Variants in FGFR1 observed in about 807,000 individuals in gnomAD.
The protein encoded by FGFR1 is FGFR1/PLAG1 fusion.
Under a neutral mutation model 93.7 loss-of-function variants are expected in FGFR1, and 18 were observed. The observed-to-expected ratio is 0.19, with a 90% CI of 0.13 to 0.28. The LOEUF (loss-of-function observed/expected upper bound fraction) is 0.28. Among genes scored for constraint, FGFR1 ranks in the 10% least tolerant of loss-of-function variants. The probability of loss-of-function intolerance (pLI) is 1.00; values close to 1 mark genes in which losing one functional copy is unlikely to be tolerated. For missense variants in FGFR1, 731 were observed against 1,080.4 expected, an observed-to-expected ratio of 0.68 and a Z score of 4.53; for synonymous variants, 448 against 429.3, an observed-to-expected ratio of 1.04 and a Z score of -0.54.
chr8:38,444,259 G>A (rs906737528), intron 2 of FGFR1, among the ~76,000 whole-genome samples: 1 of 152,042 alleles, frequency 6.6e-6, no homozygotes, highest in African/African-American at 2.4e-5. Context: ...TGGACCCAGA[G>A]ACTGCTTCAT....
intron 2 of FGFR1, among the ~76,000 whole-genome samples, chr8:38,448,366 G>A (rs915350676): frequency 2.0e-5 from 3 of 148,514 alleles, no homozygotes; most frequent in African/African-American, 5.0e-5. Flanking sequence ...TGCAACTTCC[G>A]CCTCGCGGGT....
rs755160898 is a variant in FGFR1, at chr8:38,413,704, T to C, written c.2393A>G (p.His798Arg). The change falls in exon 18 of 18, where the codon CAT becomes CGT. Residue 798 changes from histidine (H) to arginine (R), a missense_variant. By Grantham distance (29) the His-to-Arg change is conservative. Coordinates refer to ENST00000447712, the MANE Select transcript of FGFR1 (RefSeq NM_023110.3). This position sits in a 1 kb window ranked among gnomAD's most constrained non-coding sequence, Gnocchi z 4.2. Reference sequence around the variant, plus strand: ...GCAGGGCTCCTCGGGCAGCGGCTCATGAGAGAAGACGGAATCCTCCCCTGA... The same window carrying C: ...GCAGGGCTCCTCGGGCAGCGGCTCACGAGAGAAGACGGAATCCTCCCCTGA... Reference protein sequence around the residue: ...CSSGEDSVFSHEPLPEEPCLP... With the variant: ...CSSGEDSVFSREPLPEEPCLP... 4.3e-6 allele frequency: 7 copies of C among 1,613,730 alleles called. No homozygotes were observed. Among genetic ancestry groups the C allele is most frequent in the Non-Finnish European group, 5.1e-6 (6 of 1,179,906 alleles).
At chr8:38,435,698 G>C (rs1193489970) in intron 2 of FGFR1, 1 of 152,240 alleles carries the variant, frequency 6.6e-6, no homozygotes, top group Non-Finnish European at 1.5e-5. Context: ...GCTGCCCTGA[G>C]CTGGCCTTTC....
chr8:38,419,448 TA>T, intron 9 of FGFR1, 84 bp downstream of exon 9: 2 of 1,284,676 alleles, frequency 1.6e-6, no homozygotes, highest in Non-Finnish European at 2.3e-6. Context: ...CCCAAAGCTA[TA>T]AATTAGGGAC....
rs1032733642 is a variant in FGFR1, at chr8:38,468,112, C to G, written c.-220G>C. The G allele has an allele frequency of 8.8e-6, 2 of 226,090 alleles. No homozygotes were observed. The highest frequency in any genetic ancestry group is 4.5e-5 in the African/African-American group (2 of 44,892). 14.0% of individuals were successfully genotyped at this position (226,090 alleles called of 1,614,324 possible). A position where few individuals can be genotyped will look rare whatever the true frequency, so the allele number is the denominator to read the frequency against. ...GGTCCTGGCGGGGTCGCAAGAGCTCCGCGGCCGGCGCTCGACTCCCGGCGG... is the reference window on the plus strand; with the variant it reads ...GGTCCTGGCGGGGTCGCAAGAGCTCGGCGGCCGGCGCTCGACTCCCGGCGG... On this transcript the variant is annotated 5_prime_UTR_variant, in exon 1 of 18. Transcript: ENST00000447712.
Position 38,414,766 on chromosome 8 carries a change from T to C in FGFR1, c.1977+13A>G, listed in dbSNP as rs2150558941. Reference sequence around the variant, plus strand: ...TGAAACCACCAGCACAGGGCGGCCTTGTCGGCACTCACGTTGGTTGTCTTT... The same window carrying C: ...TGAAACCACCAGCACAGGGCGGCCTCGTCGGCACTCACGTTGGTTGTCTTT... On this transcript the variant is annotated intron_variant, in intron 14 of 17. Coordinates refer to ENST00000447712, the MANE Select transcript of FGFR1 (RefSeq NM_023110.3). The C allele has an allele frequency of 1.2e-6, 2 of 1,614,090 alleles. No individual in the cohort carries two copies. The highest frequency in any genetic ancestry group is 1.7e-6 in the Non-Finnish European group (2 of 1,180,042).
chr8:38,444,341 G>C (rs548780343), intron 2 of FGFR1, among the ~76,000 whole-genome samples: 1 of 151,388 alleles, frequency 6.6e-6, no homozygotes, highest in South Asian at 2.1e-4. Flanking sequence ...CATGAACGTT[G>C]AGCATTTAGT....
rs748881175 is a variant in FGFR1, at chr8:38,417,862, T to C, written c.1552+8A>G. ...GATTTTCTTTGCAAGGACAGAAGCA[T>C]CACTTACACTTCAACATCTTCACAG... On this transcript the variant is annotated splice_region_variant and intron_variant, in intron 11 of 17. Coordinates refer to ENST00000447712, the MANE Select transcript of FGFR1 (RefSeq NM_023110.3). 6.2e-6 allele frequency: 10 copies of C among 1,614,078 alleles called. No individual in the cohort carries two copies. In the Admixed American group the frequency reaches 1.5e-4, roughly 24 times the overall value.
At chr8:38,439,745 T>C (rs901973091) in intron 2 of FGFR1, among the ~76,000 whole-genome samples, 6 of 152,092 alleles carry the variant, frequency 3.9e-5, no homozygotes, top group Non-Finnish European at 8.8e-5. Flanking sequence ...CAAGCAATCA[T>C]CTCCATCACT....
intron 2 of FGFR1, among the ~76,000 whole-genome samples, chr8:38,446,740 C>T (rs992786908): frequency 1.3e-5 from 2 of 152,070 alleles, no homozygotes; most frequent in African/African-American, 4.8e-5. Flanking sequence ...ACACTAGTAG[C>T]CTCAAAAAAA....
chr8:38,467,933 C>T lies in FGFR1; in HGVS notation c.-89+48G>A, dbSNP rs934094112. On this transcript the variant is annotated intron_variant, in intron 1 of 17. Coordinates refer to ENST00000447712, the MANE Select transcript of FGFR1 (RefSeq NM_023110.3). Reference sequence around the variant, plus strand: ...CGGGAGGCTCCGGCGCCGGGGGCCGCTCGGGACGCCAAGCCCGCCCCAGAT... The same window carrying T: ...CGGGAGGCTCCGGCGCCGGGGGCCGTTCGGGACGCCAAGCCCGCCCCAGAT... The T allele has an allele frequency of 1.3e-4, 29 of 216,994 alleles. 1 individual carries two copies. In the Admixed American group the frequency reaches 1.5e-3, roughly 11 times the overall value. The allele number at this position is 216,994 out of a possible 1,614,324, so 13.4% of individuals were successfully genotyped here.
chr8:38,467,521 G>A (rs1300244605), intron 1 of FGFR1, among the ~76,000 whole-genome samples: 1 of 152,102 alleles, frequency 6.6e-6, no homozygotes, highest in Admixed American at 6.5e-5. Context: ...ATCCCCAAAA[G>A]GGGACCAAAA....
At chr8:38,421,184 A>C (rs1818625525) in intron 8 of FGFR1, among the ~76,000 whole-genome samples, 1 of 152,204 alleles carries the variant, frequency 6.6e-6, no homozygotes. Flanking sequence ...CTCAACACGC[A>C]GACCTCCCCT....
rs57917657 is a variant in FGFR1, at chr8:38,447,098, AACACACACACACACACAC to A, written c.91+10240_91+10257del. On this transcript the variant is annotated intron_variant, in intron 2 of 17. Coordinates refer to ENST00000447712, the MANE Select transcript of FGFR1 (RefSeq NM_023110.3). Reference sequence around the variant, plus strand: ...GCCACAGGAGATATTACTGCAAGCAAACACACACACACACACACACACACACACACACACACACACACA... The same window carrying A: ...GCCACAGGAGATATTACTGCAAGCAAACACACACACACACACACACACACA... Among the ~76,000 whole-genome samples the A allele has an allele frequency of 5.8e-3, 768 of 133,360 alleles. 6 individuals carry two copies. The highest frequency in any genetic ancestry group is 0.018 in the African/African-American group (649 of 35,266). 87.5% of individuals were successfully genotyped at this position (133,360 alleles called of 152,430 possible). A position where few individuals can be genotyped will look rare whatever the true frequency, so the allele number is the denominator to read the frequency against.
chr8:38,461,032 G>C (rs776742035), intron 1 of FGFR1: 1 of 1,529,150 alleles, frequency 6.5e-7, no homozygotes, highest in Non-Finnish European at 8.8e-7. Flanking sequence ...AGAGGTCCTC[G>C]GTGGGGAGCA....
chr8:38,442,966 G>T (rs1828021795), intron 2 of FGFR1, among the ~76,000 whole-genome samples: 1 of 152,174 alleles, frequency 6.6e-6, no homozygotes, highest in Non-Finnish European at 1.5e-5. Flanking sequence ...GAAAGGAATG[G>T]GCTTCATAAA....
chr8:38,431,189 C>A (rs1822977834), intron 2 of FGFR1, among the ~76,000 whole-genome samples: 1 of 152,194 alleles, frequency 6.6e-6, no homozygotes, highest in Non-Finnish European at 1.5e-5. Flanking sequence ...TGGCTCACGG[C>A]TGCCCCAGTG....
At chr8:38,439,916 T>C (rs920875325) in intron 2 of FGFR1, among the ~76,000 whole-genome samples, 1 of 152,040 alleles carries the variant, frequency 6.6e-6, no homozygotes, top group African/African-American at 2.4e-5. Context: ...GTATTTGTAT[T>C]ACCTACTCTA....
intron 2 of FGFR1, among the ~76,000 whole-genome samples, chr8:38,456,123 G>A (rs775209833): frequency 1.3e-5 from 2 of 151,970 alleles, no homozygotes; most frequent in Non-Finnish European, 2.9e-5. Context: ...TCATTCAAAC[G>A]AGTCCCTGAC....
Sources: gnomAD v4.1 joint callset for allele counts (sites outside exome capture counted in the v4.1 genomes callset) on GRCh38, gnomAD v4.1.1 for gene constraint, Gnocchi (gnomAD v3.1) non-coding constraint, MANE v1.5 for transcripts, NCBI Gene and HGNC (gene_info 2026-07-23, HGNC 2026-07-21) for gene names.